The following MGAT5B variants were observed in gnomAD, a reference collection of about 807,000 sequenced individuals.
MGAT5B encodes the protein alpha-1,6-mannosylglycoprotein 6-beta-N-acetylglucosaminyltransferase B.
A neutral mutation model predicts 95.1 loss-of-function variants in MGAT5B; 54 were observed. The ratio of observed to expected loss-of-function variants is 0.57; its 90% CI spans 0.46 to 0.71. MGAT5B has a LOEUF of 0.71. Ranked by LOEUF, MGAT5B falls within the 30% of genes least tolerant of loss-of-function variation. The probability of loss-of-function intolerance (pLI) is 0.00; values close to 1 mark genes in which losing one functional copy is unlikely to be tolerated. For synonymous variants in MGAT5B, 464 were observed against 451.0 expected (o/e 1.03, Z -0.36); for missense variants, 935 against 1,088.6 (o/e 0.86, Z 1.99).
intron 10 of MGAT5B, among the ~76,000 whole-genome samples, chr17:76,928,759 G>C (rs1969393859): frequency 6.6e-6 from 1 of 152,092 alleles, no homozygotes; most frequent in African/African-American, 2.4e-5. Context: ...CAGTCAGATT[G>C]GAGGCTGGTA....
rs1398430573 is a variant in MGAT5B, at chr17:76,869,127, C to T, written c.68+30C>T. Reference sequence around the variant, plus strand: ...AGTTCCCTCCTGGTTGGTTTTTTCCCCAGGGGGGCGCCGGGTGGAGGTGGG... The same window carrying T: ...AGTTCCCTCCTGGTTGGTTTTTTCCTCAGGGGGGCGCCGGGTGGAGGTGGG... On this transcript the variant is annotated intron_variant, in intron 1 of 17. Transcript: ENST00000569840. This position sits in a 1 kb window ranked among gnomAD's most constrained non-coding sequence, Gnocchi z 7.0. The T allele has an allele frequency of 1.7e-5, 28 of 1,604,104 alleles. No homozygotes were observed. The highest frequency in any genetic ancestry group is 1.6e-4 in the Middle Eastern group (1 of 6,068).
intron 8 of MGAT5B, among the ~76,000 whole-genome samples, chr17:76,922,768 T>G (rs1969158692): frequency 6.6e-6 from 1 of 152,182 alleles, no homozygotes; most frequent in South Asian, 2.1e-4. Context: ...ACAGGAAGGT[T>G]GGAGGGATGG....
intron 3 of MGAT5B, among the ~76,000 whole-genome samples, chr17:76,899,489 T>A (rs1235076152): frequency 6.6e-6 from 1 of 151,964 alleles, no homozygotes; most frequent in Non-Finnish European, 1.5e-5. Flanking sequence ...AAAAAAAAAT[T>A]AGCCGGACGT....
intron 2 of MGAT5B, among the ~76,000 whole-genome samples, chr17:76,877,406 A>C (rs1967231254): frequency 6.7e-6 from 1 of 150,140 alleles, no homozygotes; most frequent in South Asian, 2.1e-4. Flanking sequence ...GGTCCATGGC[A>C]CAGCTGCATG....
At chr17:76,923,737 C>T (rs1286646355) in intron 8 of MGAT5B, 12 of 152,186 alleles carry the variant, frequency 7.9e-5, no homozygotes, top group African/African-American at 2.7e-4. Flanking sequence ...TCTCTGAGTT[C>T]GTGATGTGGG....
chr17:76,925,022 T>G lies in MGAT5B; in HGVS notation c.1082T>G (p.Phe361Cys), dbSNP rs1218069101. The G allele has an allele frequency of 6.3e-7, 1 of 1,597,332 alleles. No individual in the cohort carries two copies. Among genetic ancestry groups the G allele is most frequent in the African/African-American group, 1.4e-5 (1 of 71,590 alleles). ...GSCPLTMPLP[F>C]DLIYTDYHGL... The stretch of plus-strand genomic sequence containing the variant: ...TGCCCGCTCACCATGCCCCTGCCCT[T>G]CGACCTCATCTACACCGACTACCAC... The change falls in exon 9 of 18, where the codon TTC becomes TGC. Residue 361 changes from phenylalanine (F) to cysteine (C), a missense_variant. Physicochemically the swap from Phe to Cys is radical, Grantham distance 205. Around this residue, in one of 4 missense-constraint regions of MGAT5B, gnomAD observed 243 missense variants for 305.5 expected, o/e 0.80. Coordinates refer to ENST00000569840, the MANE Select transcript of MGAT5B (RefSeq NM_001199172.2).
rs150661462 is a variant in MGAT5B at position 76,945,878 on chromosome 17, G to A, written c.1849-498G>A. ...ACCCTCAAGGTGTCCATAAGTTTAT[G>A]AGAGACATGACGAATACACAGGAGA... On this transcript the variant is annotated intron_variant, in intron 15 of 17. Coordinates refer to ENST00000569840, the MANE Select transcript of MGAT5B (RefSeq NM_001199172.2). Among the ~76,000 whole-genome samples, 35 of 152,324 alleles carry A rather than the reference G, an allele frequency of 2.3e-4. No individual in the cohort carries two copies. The East Asian group carries it at 4.2e-3, about 18-fold the overall frequency.
chr17:76,938,032 C>A lies in MGAT5B; in HGVS notation c.1473C>A (p.Ile491=). The A allele has an allele frequency of 6.2e-7, 1 of 1,614,236 alleles. No individual in the cohort carries two copies. Among genetic ancestry groups the A allele is most frequent in the Non-Finnish European group, 8.5e-7 (1 of 1,180,032 alleles). ...GCATCCTGAACAAATACATGGAGATCCATGGCACCGTGTACTACGAGAGCC... is the reference window on the plus strand; with the variant it reads ...GCATCCTGAACAAATACATGGAGATACATGGCACCGTGTACTACGAGAGCC... ...FLGILNKYME[I]HGTVYYESQR... The change falls in exon 13 of 18, where the codon ATC becomes ATA. Residue 491 remains isoleucine, a synonymous_variant. Transcript: ENST00000569840. This position sits in a 1 kb window ranked among gnomAD's most constrained non-coding sequence, Gnocchi z 4.3.
In MGAT5B at chr17:76,868,601, A is replaced by C. The variant is rs1180190591; in HGVS notation, c.-429A>C. 6.8e-6 allele frequency: 1 copy of C among 146,592 alleles called. No homozygotes were observed. Among genetic ancestry groups the C allele is most frequent in the African/African-American group, 2.5e-5 (1 of 40,548 alleles). 9.1% of individuals were successfully genotyped at this position (146,592 alleles called of 1,614,324 possible). ...TCGGCGCGGCCCGGAGGCGCTGGGG[A>C]CCGGGGCGCGGGCCCGGGGCCGCCT... is the stretch of plus-strand genomic sequence containing the variant. On this transcript the variant is annotated 5_prime_UTR_variant, in exon 1 of 18. Transcript: ENST00000569840. The surrounding 1 kb of genome is among the most constrained non-coding windows in gnomAD (Gnocchi z 6.3).
At chr17:76,890,312 C>A (rs571711535) in intron 3 of MGAT5B, among the ~76,000 whole-genome samples, 1 of 152,330 alleles carries the variant, frequency 6.6e-6, no homozygotes, top group South Asian at 2.1e-4. Context: ...GGACTTCATC[C>A]AGAAGGGGGT....
rs369296725 is a variant in MGAT5B, at chr17:76,925,143, G to C, written c.1157+46G>C. The C allele has an allele frequency of 1.2e-4, 198 of 1,607,444 alleles. 2 individuals carry two copies. In the African/African-American group the frequency reaches 2.3e-3, roughly 19 times the overall value. The stretch of plus-strand genomic sequence containing the variant: ...TGGGCACGTGGCCCACATGCCAGGG[G>C]AGAAAGCTCCTCCTTCACGCCCTGC... On this transcript the variant is annotated intron_variant, in intron 9 of 17. Transcript: ENST00000569840.
At chr17:76,948,592 T>C (rs374140932) in intron 17 of MGAT5B, 48 bp from the exon 18 acceptor site, 5 of 1,560,656 alleles carry the variant, frequency 3.2e-6, no homozygotes, top group Non-Finnish European at 3.5e-6. Flanking sequence ...CCAGCCCTTC[T>C]GCCCAAGTGA....
chr17:76,939,029 G>GGGGGGTGT (rs1237086611), intron 13 of MGAT5B, among the ~76,000 whole-genome samples: 158 of 128,246 alleles, frequency 1.2e-3, no homozygotes, highest in East Asian at 5.6e-3. Context: ...GCATCTTGGG[G>GGGGGGTGT]GTGTGTGTGT....
chr17:76,877,291 C>T (rs919855490), intron 2 of MGAT5B, among the ~76,000 whole-genome samples: 14 of 149,018 alleles, frequency 9.4e-5, no homozygotes, highest in African/African-American at 3.5e-4. Flanking sequence ...CGCCACTGCA[C>T]TCCAGCCTGG....
chr17:76,910,823 G>T (rs1968706890), intron 8 of MGAT5B, among the ~76,000 whole-genome samples: 1 of 152,186 alleles, frequency 6.6e-6, no homozygotes, highest in Non-Finnish European at 1.5e-5. Context: ...GTCCCCTGTG[G>T]GGTGTATGTG....
Position 76,905,907 on chromosome 17 carries a change from C to G in MGAT5B, c.856-111C>G, listed in dbSNP as rs1968507373. On this transcript the variant is annotated intron_variant, in intron 7 of 17. Coordinates refer to ENST00000569840, the MANE Select transcript of MGAT5B (RefSeq NM_001199172.2). The surrounding 1 kb of genome is among the most constrained non-coding windows in gnomAD (Gnocchi z 4.2). ...GTGCCGGAAAGCACCTGCTGGGGCC[C>G]AGCCTGGAGACAGGGTCTGCTGCCG... The G allele has an allele frequency of 8.0e-7, 1 of 1,249,344 alleles. No individual in the cohort carries two copies. Among genetic ancestry groups the G allele is most frequent in the Non-Finnish European group, 1.1e-6 (1 of 918,180 alleles). The allele number at this position is 1,249,344 out of a possible 1,614,324, so 77.4% of individuals were successfully genotyped here.
In MGAT5B at chr17:76,946,477, C is replaced by G. The variant is rs749512666; in HGVS notation, c.1923+27C>G. 26 of 1,551,988 alleles carry G rather than the reference C, an allele frequency of 1.7e-5. No homozygotes were observed. In the African/African-American group the frequency reaches 2.9e-4, roughly 17 times the overall value. The stretch of plus-strand genomic sequence containing the variant: ...TCAGTGAGCCCTCTGGTCCCTGCCC[C>G]AGATCCTGTCAGACCAGAGGAGGGG... On this transcript the variant is annotated intron_variant, in intron 16 of 17. Transcript: ENST00000569840.
At position 76,948,841 on chromosome 17, in the gene MGAT5B, C is replaced by G. The variant is rs369927562; in HGVS notation, c.*3C>G. ...CCTTGTGCCAGGGCTGTCTGTGAAT[C>G]CGCCTCTGCCGCCCTGCCTGGCACC... On this transcript the variant is annotated 3_prime_UTR_variant, in exon 18 of 18. Transcript: ENST00000569840. The G allele has an allele frequency of 7.0e-6, 11 of 1,579,108 alleles. No homozygotes were observed. In the African/African-American group the frequency reaches 1.2e-4, roughly 17 times the overall value.
chr17:76,895,532 C>G (rs369202031), intron 3 of MGAT5B, among the ~76,000 whole-genome samples: 70 of 152,292 alleles, frequency 4.6e-4, no homozygotes, highest in East Asian at 3.3e-3. Flanking sequence ...ATCAAGACGT[C>G]AGCAGGCAGT....
Sources: gnomAD v4.1 joint callset for allele counts (sites outside exome capture counted in the v4.1 genomes callset) on GRCh38, gnomAD v4.1.1 for gene constraint, gnomAD v4.1.1 regional missense constraint, Gnocchi (gnomAD v3.1) non-coding constraint, MANE v1.5 for transcripts, NCBI Gene and HGNC (gene_info 2026-07-23, HGNC 2026-07-21) for gene names.